Variants in ARAP2 observed in about 807,000 individuals in gnomAD.
ARAP2 encodes the protein ArfGAP with RhoGAP domain, ankyrin repeat and PH domain 2, also known as arf-GAP with Rho-GAP domain, ANK repeat and PH domain-containing protein 2.
Under a neutral mutation model 194.5 loss-of-function variants are expected in ARAP2, and 148 were observed. The ratio of observed to expected loss-of-function variants is 0.76; its 90% confidence interval spans 0.67 to 0.87. The LOEUF is 0.87. Ranked by LOEUF, ARAP2 falls within the 40% of genes least tolerant of loss-of-function variation. The pLI is 0.00. For synonymous variants in ARAP2, 695 were observed against 683.5 expected, an observed-to-expected ratio of 1.02 and a Z score of -0.26; for missense variants, 2,128 against 1,989.7, an observed-to-expected ratio of 1.07 and a Z score of -1.32.
At chr4:36,115,576 G>A (rs1577941079) in intron 25 of ARAP2, among the ~76,000 whole-genome samples, 1 of 151,886 alleles carries the variant, frequency 6.6e-6, no homozygotes, top group Non-Finnish European at 1.5e-5. Flanking sequence ...CTCCACACTT[G>A]GGAAATTATT....
At chr4:36,193,745 A>G in intron 6 of ARAP2, 98 bp from the exon 7 acceptor site, 1 of 919,204 alleles carries the variant, frequency 1.1e-6, no homozygotes, top group Non-Finnish European at 1.6e-6. Context: ...ATTATTATTT[A>G]ATGTTAAACA....
At chr4:36,193,726 T>TG (rs1260292780) in intron 6 of ARAP2, 79 bp from the exon 7 acceptor site, 3 of 1,032,224 alleles carry the variant, frequency 2.9e-6, no homozygotes, top group African/African-American at 3.2e-5. Context: ...AATGTAACCG[T>TG]GTAAATATAT....
intron 26 of ARAP2, among the ~76,000 whole-genome samples, chr4:36,110,167 T>C (rs1022107353): frequency 1.3e-5 from 2 of 151,888 alleles, no homozygotes; most frequent in African/African-American, 2.4e-5. Flanking sequence ...TTAACTATTA[T>C]AGTTAATTTT....
intron 27 of ARAP2, among the ~76,000 whole-genome samples, chr4:36,095,823 A>C (rs1181898470): frequency 6.6e-6 from 1 of 152,130 alleles, no homozygotes; most frequent in Non-Finnish European, 1.5e-5. Context: ...AAGAAAGAGA[A>C]ACCTCAAGCC....
intron 5 of ARAP2, among the ~76,000 whole-genome samples, chr4:36,045,800 T>C (rs141042978): frequency 1.8e-4 from 27 of 152,204 alleles, no homozygotes; most frequent in African/African-American, 6.0e-4. Context: ...TAACATCACA[T>C]TGTACCCCAA....
At chr4:36,010,334 T>C (rs1714234327) in intron 9 of ARAP2, among the ~76,000 whole-genome samples, 1 of 151,958 alleles carries the variant, frequency 6.6e-6, no homozygotes, top group African/African-American at 2.4e-5. Flanking sequence ...AAAGAAAGGC[T>C]AGAAAGAAAT....
chr4:36,169,758 T>A (rs926912121), intron 9 of ARAP2, among the ~76,000 whole-genome samples: 2 of 152,166 alleles, frequency 1.3e-5, no homozygotes, highest in African/African-American at 4.8e-5. Flanking sequence ...GGTCTCCATT[T>A]CCTGACCTCG....
chr4:36,070,496 T>C (rs944812236), intron 32 of ARAP2, among the ~76,000 whole-genome samples: 2 of 152,186 alleles, frequency 1.3e-5, no homozygotes. Flanking sequence ...ACGGAAATAA[T>C]AATCTGAAAC....
intron 6 of ARAP2, among the ~76,000 whole-genome samples, chr4:36,208,156 T>C (rs2109258788): frequency 6.6e-6 from 1 of 152,224 alleles, no homozygotes; most frequent in South Asian, 2.1e-4. Flanking sequence ...GCAACAGTCG[T>C]AGTAGTAAAT....
At chr4:36,194,174 C>G (rs1742567522) in intron 6 of ARAP2, among the ~76,000 whole-genome samples, 1 of 151,980 alleles carries the variant, frequency 6.6e-6, no homozygotes, top group Admixed American at 6.6e-5. Flanking sequence ...ATTCAAAATT[C>G]AGTGAAAGAT....
rs368120918 is a variant in ARAP2 at position 36,195,678 on chromosome 4, G to GCTGA, written c.1488-2035_1488-2032dup. ...CTCCCATTACCCCACTATTCCCTTT[G>GCTGA]CTGACTCCTTATCTTTCAGTTACAT... On this transcript the variant is annotated intron_variant, in intron 6 of 32. Transcript: ENST00000303965. Among the ~76,000 whole-genome samples the GCTGA allele has an allele frequency of 3.5e-3, 534 of 152,278 alleles. 2 individuals carry two copies. The highest frequency in any genetic ancestry group is 0.014 in the Middle Eastern group (4 of 294).
intron 19 of ARAP2, among the ~76,000 whole-genome samples, chr4:36,137,600 T>C (rs991874760): frequency 6.6e-6 from 1 of 151,770 alleles, no homozygotes; most frequent in Non-Finnish European, 1.5e-5. Flanking sequence ...TCTTAGACTG[T>C]CATTGAGCTT....
chr4:36,160,124 T>C, intron 13 of ARAP2: 1 of 997,308 alleles, frequency 1.0e-6, no homozygotes. Flanking sequence ...CTTGAAATAA[T>C]AAGCTGCCTC....
intron 19 of ARAP2, among the ~76,000 whole-genome samples, chr4:36,136,582 G>A (rs1259888284): frequency 6.6e-6 from 1 of 151,652 alleles, no homozygotes; most frequent in Non-Finnish European, 1.5e-5. Flanking sequence ...AAATAAATAT[G>A]CTCATATAAA....
In ARAP2 at chr4:36,228,781, A is replaced by C; in HGVS notation, c.706T>G (p.Leu236Val). The change falls in exon 2 of 33, where the codon TTA becomes GTA. Residue 236 changes from leucine (L) to valine (V), a missense_variant. By Grantham distance (32) the Leu-to-Val change is conservative. Coordinates refer to ENST00000303965, the MANE Select transcript of ARAP2 (RefSeq NM_015230.4). Reference protein sequence around the residue: ...GTNSGNGTNGLLEGSPPSPFF... With the variant: ...GTNSGNGTNGVLEGSPPSPFF... ...GGGGATGGTGGTGATCCTTCTAATA[A>C]ACCATTTGTTCCATTTCCAGAATTT... 1 of 1,614,102 alleles carries C rather than the reference A, an allele frequency of 6.2e-7. No homozygotes were observed. Among genetic ancestry groups the C allele is most frequent in the Non-Finnish European group, 8.5e-7 (1 of 1,179,992 alleles).
intron 19 of ARAP2, among the ~76,000 whole-genome samples, chr4:36,144,924 A>C (rs2109687662): frequency 6.6e-6 from 1 of 152,032 alleles, no homozygotes; most frequent in South Asian, 2.1e-4. Flanking sequence ...CACTTAATGA[A>C]TAGTAAATAT....
At chr4:36,036,784 C>T (rs773576341) in intron 5 of ARAP2, among the ~76,000 whole-genome samples, 2 of 152,084 alleles carry the variant, frequency 1.3e-5, no homozygotes, top group African/African-American at 2.4e-5. Flanking sequence ...AGCTACAAAA[C>T]CAGAAAATTT....
chr4:36,093,088 G>A (rs1291488588), intron 27 of ARAP2, among the ~76,000 whole-genome samples: 1 of 152,104 alleles, frequency 6.6e-6, no homozygotes, highest in Admixed American at 6.6e-5. Context: ...ATTATCCTTA[G>A]CAAACTAAGG....
intron 32 of ARAP2, among the ~76,000 whole-genome samples, chr4:36,070,309 C>T (rs1174267186): frequency 2.0e-5 from 3 of 152,072 alleles, no homozygotes; most frequent in Non-Finnish European, 4.4e-5. Context: ...AAGCCAAGTG[C>T]ATAGACAATG....
Sources: allele counts gnomAD v4.1 joint callset (sites outside exome capture counted in the v4.1 genomes callset), GRCh38; gene constraint gnomAD v4.1.1; transcripts MANE v1.5; gene names NCBI Gene and HGNC (gene_info 2026-07-23, HGNC 2026-07-21).